Variants in GIGYF2 observed in about 807,000 individuals in gnomAD.
GIGYF2 encodes the protein GRB10-interacting GYF protein 2.
A neutral mutation model predicts 208.1 loss-of-function variants in GIGYF2; 25 were observed. The observed-to-expected ratio is 0.12, with a 90% CI of 0.09 to 0.17. The LOEUF (loss-of-function observed/expected upper bound fraction) is 0.17. GIGYF2 is among the 10% of genes least tolerant of loss of function. The probability of loss-of-function intolerance (pLI) is 1.00; values close to 1 mark genes in which losing one functional copy is unlikely to be tolerated. For missense variants in GIGYF2, 1,302 were observed against 1,579.4 expected (o/e 0.82, Z 2.98); for synonymous variants, 534 against 543.8 (o/e 0.98, Z 0.25).
At chr2:232,769,550 A>G (rs1699143198) in intron 8 of GIGYF2, among the ~76,000 whole-genome samples, 1 of 150,324 alleles carries the variant, frequency 6.7e-6, no homozygotes, top group South Asian at 2.1e-4. Context: ...AGAATTTTTA[A>G]ACTTTGAAAC....
chr2:232,734,523 C>A (rs1241444525), intron 2 of GIGYF2: 2 of 152,104 alleles, frequency 1.3e-5, no homozygotes, highest in African/African-American at 4.8e-5. Flanking sequence ...CTGGCCTGAT[C>A]CAAGATAATT....
At chr2:232,852,415 G>A (rs1372046927) in intron 28 of GIGYF2, among the ~76,000 whole-genome samples, 62 of 152,150 alleles carry the variant, frequency 4.1e-4, no homozygotes, top group Non-Finnish European at 7.4e-5. Flanking sequence ...CGTGGTGGTG[G>A]GTGCCTATAA....
chr2:232,856,978 G>A lies in GIGYF2; in HGVS notation c.*118G>A, dbSNP rs963683843. The A allele has an allele frequency of 3.8e-6, 3 of 798,316 alleles. No individual in the cohort carries two copies. Among genetic ancestry groups the A allele is most frequent in the Non-Finnish European group, 6.8e-6 (3 of 443,574 alleles). 49.5% of individuals were successfully genotyped at this position (798,316 alleles called of 1,614,324 possible). ...TCACTCTGCAACAAATCACAGAACC[G>A]ATCATCTCAGGCTTTTTCTTCTGGC... is the stretch of plus-strand genomic sequence containing the variant. On this transcript the variant is annotated 3_prime_UTR_variant, in exon 29 of 29. Coordinates refer to ENST00000373563, the MANE Select transcript of GIGYF2 (RefSeq NM_001103146.3).
intron 8 of GIGYF2, among the ~76,000 whole-genome samples, chr2:232,774,856 AGAGCC>A (rs1699444888): frequency 6.6e-6 from 1 of 152,202 alleles, no homozygotes; most frequent in Admixed American, 6.5e-5. Context: ...TTCCTTACTT[AGAGCC>A]TTTCTGTATA....
chr2:232,794,844 C>T lies in GIGYF2; in HGVS notation c.1379C>T (p.Pro460Leu), dbSNP rs774283325. ...ILPPPVPNPS[P>L]TLRPVETPVV... ...CCACCTCCTGTTCCCAATCCTAGTC[C>T]TACTCTCCGGCCAGTTGAAACACCA... Residue 460 changes from proline (P) to leucine (L), a missense_variant, in exon 13 of 29, where the codon CCT (proline) becomes CTT (leucine). This residue lies in a region of GIGYF2 where 235 missense variants were observed against 218.8 expected (regional missense o/e 1.07). Coordinates refer to ENST00000373563, the MANE Select transcript of GIGYF2 (RefSeq NM_001103146.3). The T allele has an allele frequency of 5.6e-6, 9 of 1,613,654 alleles. No homozygotes were observed. The East Asian group carries it at 2.0e-4, about 36-fold the overall frequency.
chr2:232,812,345 C>A, intron 17 of GIGYF2, 46 bp from the exon 18 acceptor site: 3 of 769,212 alleles, frequency 3.9e-6, no homozygotes, highest in Admixed American at 2.1e-5. Flanking sequence ...TTTTTTTTTT[C>A]CTGCAAATGA....
intron 2 of GIGYF2, among the ~76,000 whole-genome samples, chr2:232,733,225 C>G (rs1574815331): frequency 6.7e-6 from 1 of 149,230 alleles, no homozygotes. Flanking sequence ...CCACTGTACT[C>G]CAGCCTGGGC....
chr2:232,717,444 G>C (rs548469101), intron 2 of GIGYF2, among the ~76,000 whole-genome samples: 1 of 152,240 alleles, frequency 6.6e-6, no homozygotes, highest in African/African-American at 2.4e-5. Flanking sequence ...CTTAGATCAT[G>C]ATAGTGAACT....
intron 28 of GIGYF2, among the ~76,000 whole-genome samples, chr2:232,854,835 C>T (rs937667781): frequency 1.3e-5 from 2 of 152,090 alleles, no homozygotes; most frequent in Non-Finnish European, 2.9e-5. Context: ...GAAAACCCAG[C>T]TAATATTAAC....
chr2:232,767,883 A>C (rs1574855544), intron 8 of GIGYF2: 1 of 348,022 alleles, frequency 2.9e-6, no homozygotes, highest in East Asian at 6.9e-5. Flanking sequence ...GTTAAACTTC[A>C]CTGTCCATTT....
At chr2:232,792,651 T>C (rs1700104683) in intron 12 of GIGYF2, among the ~76,000 whole-genome samples, 1 of 152,180 alleles carries the variant, frequency 6.6e-6, no homozygotes, top group Admixed American at 6.5e-5. Flanking sequence ...ACTCCTGGGC[T>C]CAAGTGATCC....
intron 20 of GIGYF2, among the ~76,000 whole-genome samples, chr2:232,819,112 G>A (rs913269179): frequency 6.6e-6 from 1 of 151,774 alleles, no homozygotes. Flanking sequence ...TTTACCACTT[G>A]TTGCCTACTT....
chr2:232,708,732 C>G (rs1330174050), intron 2 of GIGYF2, among the ~76,000 whole-genome samples: 3 of 148,776 alleles, frequency 2.0e-5, no homozygotes, highest in African/African-American at 7.5e-5. Flanking sequence ...GTCCTAACTA[C>G]AGCCTCACTG....
intron 18 of GIGYF2, among the ~76,000 whole-genome samples, chr2:232,814,576 C>G (rs546388002): frequency 1.5e-5 from 2 of 135,796 alleles, no homozygotes; most frequent in South Asian, 2.5e-4. Flanking sequence ...CCCCCCCCCC[C>G]CAAAAAAAAA....
Position 232,859,726 on chromosome 2 carries a change from C to G in GIGYF2, c.*2866C>G, listed in dbSNP as rs920006742. The stretch of plus-strand genomic sequence containing the variant: ...GGCAAGCTGTCCAAGATGGCTCACT[C>G]GTGTAATGACAGTTGACGTTGGCTG... On this transcript the variant is annotated 3_prime_UTR_variant, in exon 29 of 29. Coordinates refer to ENST00000373563, the MANE Select transcript of GIGYF2 (RefSeq NM_001103146.3). 3 of 152,196 alleles carry G rather than the reference C, an allele frequency of 2.0e-5. No homozygotes were observed. Among genetic ancestry groups the G allele is most frequent in the Non-Finnish European group, 4.4e-5 (3 of 68,048 alleles). 9.4% of individuals were successfully genotyped at this position (152,196 alleles called of 1,614,324 possible).
At chr2:232,822,866 G>A (rs1294280883) in intron 21 of GIGYF2, among the ~76,000 whole-genome samples, 1 of 152,124 alleles carries the variant, frequency 6.6e-6, no homozygotes, top group Non-Finnish European at 1.5e-5. Context: ...ATAAATAGGA[G>A]CAGTTTTAAT....
intron 2 of GIGYF2, among the ~76,000 whole-genome samples, chr2:232,720,311 A>T (rs1696876677): frequency 6.6e-6 from 1 of 152,160 alleles, no homozygotes. Context: ...TCCATGGTGT[A>T]TATATGCCAC....
chr2:232,846,406 G>T (rs1180378025), intron 26 of GIGYF2, among the ~76,000 whole-genome samples: 1 of 152,158 alleles, frequency 6.6e-6, no homozygotes, highest in Non-Finnish European at 1.5e-5. Context: ...CTTGCTCATG[G>T]TTAGCTGTTT....
intron 2 of GIGYF2, among the ~76,000 whole-genome samples, chr2:232,733,628 T>C (rs925666062): frequency 3.9e-5 from 6 of 152,192 alleles, no homozygotes; most frequent in Non-Finnish European, 7.4e-5. Context: ...TATACAGTTG[T>C]CCCTCAGTAT....
Sources: allele counts gnomAD v4.1 joint callset (sites outside exome capture counted in the v4.1 genomes callset), GRCh38; gene constraint gnomAD v4.1.1; regional missense constraint gnomAD v4.1.1; transcripts MANE v1.5; gene names NCBI Gene and HGNC (gene_info 2026-07-23, HGNC 2026-07-21).